TWIST2: variants seen among roughly 807,000 people sequenced by gnomAD.
The protein encoded by TWIST2 is twist family bHLH transcription factor 2, also known as twist-related protein 2.
Under a neutral mutation model 11.6 loss-of-function variants are expected in TWIST2, and 1 was observed. The ratio of observed to expected loss-of-function variants is 0.09; its 90% confidence interval spans 0.03 to 0.41. TWIST2 has a LOEUF of 0.41. Ranked by LOEUF, TWIST2 falls within the 10% of genes least tolerant of loss-of-function variation. TWIST2 has a pLI of 0.98. For missense variants in TWIST2, 168 were observed against 226.4 expected (o/e 0.74, Z 1.66); for synonymous variants, 87 against 96.6 (o/e 0.90, Z 0.58).
chr2:238,866,427 G>A lies in TWIST2; in HGVS notation c.*35+17694G>A, dbSNP rs1692535030. On this transcript the variant is annotated intron_variant, in intron 1 of 1. Transcript: ENST00000612363. The surrounding 1 kb of genome is among the most constrained non-coding windows in gnomAD (Gnocchi z 4.9). ...TAATCCTGGCACTTTGGGAGGCTGAGGCAGGCAGATCACGAGGTCAGGAAT... is the reference window on the plus strand; with the variant it reads ...TAATCCTGGCACTTTGGGAGGCTGAAGCAGGCAGATCACGAGGTCAGGAAT... 6.6e-6 allele frequency among the ~76,000 whole-genome samples: 1 copy of A among 152,206 alleles called. No homozygotes were observed.
chr2:238,901,463 C>A (rs1693268103), intron 1 of TWIST2, among the ~76,000 whole-genome samples: 3 of 152,224 alleles, frequency 2.0e-5, no homozygotes, highest in Non-Finnish European at 4.4e-5. Flanking sequence ...CCAGGCTCCT[C>A]CTCAGTAGGT....
At chr2:238,870,327 C>A (rs376930346) in intron 1 of TWIST2, among the ~76,000 whole-genome samples, 3 of 324 alleles carry the variant, frequency 9.3e-3, no homozygotes, top group South Asian at 0.083. Flanking sequence ...CCCCACACAC[C>A]CCACACACCC....
chr2:238,883,491 G>A (rs752849171), intron 1 of TWIST2, among the ~76,000 whole-genome samples: 1 of 152,250 alleles, frequency 6.6e-6, no homozygotes, highest in Non-Finnish European at 1.5e-5. Flanking sequence ...GAAAGTGAGG[G>A]GAGAAGGGAC....
intron 1 of TWIST2, among the ~76,000 whole-genome samples, chr2:238,881,409 G>A (rs956305338): frequency 2.0e-5 from 3 of 151,624 alleles, no homozygotes; most frequent in African/African-American, 7.3e-5. Context: ...TAGTGTCAGT[G>A]TCAGTGTTAG....
At chr2:238,873,978 A>AG (rs1692759624) in intron 1 of TWIST2, among the ~76,000 whole-genome samples, 1 of 152,098 alleles carries the variant, frequency 6.6e-6, no homozygotes, top group African/African-American at 2.4e-5. Context: ...TGTTCCATCA[A>AG]GGAAAAAACT....
chr2:238,892,413 G>C (rs1349045473), intron 1 of TWIST2, among the ~76,000 whole-genome samples: 8 of 152,222 alleles, frequency 5.3e-5, no homozygotes, highest in Non-Finnish European at 1.0e-4. Flanking sequence ...AGCCTGGGCT[G>C]TTCACTCATC....
chr2:238,902,823 ATGTGATATAGTGTGTG>A (rs1693290076), intron 1 of TWIST2, among the ~76,000 whole-genome samples: 1 of 20,316 alleles, frequency 4.9e-5, no homozygotes, highest in African/African-American at 2.7e-4. Context: ...TGATGTGTGT[ATGTGATATAGTGTGTG>A]TGATGTGGGG....
At chr2:238,903,471 TGTG>T (rs1306810554) in intron 1 of TWIST2, among the ~76,000 whole-genome samples, 3 of 114,416 alleles carry the variant, frequency 2.6e-5, no homozygotes, top group African/African-American at 1.1e-4. Flanking sequence ...GTGTGTGTGA[TGTG>T]TGTGCATGAT....
At chr2:238,890,004 G>T (rs1693104099) in intron 1 of TWIST2, among the ~76,000 whole-genome samples, 1 of 150,528 alleles carries the variant, frequency 6.6e-6, no homozygotes, top group African/African-American at 2.4e-5. Context: ...CCTGGCCTGT[G>T]CCTTCACAGA....
chr2:238,871,854 A>G (rs1399572568), intron 1 of TWIST2, among the ~76,000 whole-genome samples: 3 of 152,150 alleles, frequency 2.0e-5, no homozygotes, highest in Admixed American at 2.0e-4. Flanking sequence ...CCGGATTCAT[A>G]GAGACGGAAG....
chr2:238,880,114 C>T (rs545408406), intron 1 of TWIST2, among the ~76,000 whole-genome samples: 1 of 148,326 alleles, frequency 6.7e-6, no homozygotes, highest in Non-Finnish European at 1.5e-5. Flanking sequence ...TATTTATACT[C>T]GTGCTAGCGT....
At chr2:238,899,938 T>C (rs1693249270) in intron 1 of TWIST2, among the ~76,000 whole-genome samples, 1 of 151,816 alleles carries the variant, frequency 6.6e-6, no homozygotes, top group African/African-American at 2.4e-5. Context: ...GAACCTGAAG[T>C]GCTCTAAAAA....
chr2:238,896,204 C>A (rs1693205695), intron 1 of TWIST2, among the ~76,000 whole-genome samples: 1 of 152,188 alleles, frequency 6.6e-6, no homozygotes, highest in African/African-American at 2.4e-5. Flanking sequence ...CTGCACCCTG[C>A]CTACTGACCC....
chr2:238,894,029 G>T (rs1693179404), intron 1 of TWIST2, among the ~76,000 whole-genome samples: 1 of 152,116 alleles, frequency 6.6e-6, no homozygotes, highest in Non-Finnish European at 1.5e-5. Context: ...GCCTCCTCCA[G>T]TTCTGCCATG....
At chr2:238,902,648 GGT>G (rs1430470513) in intron 1 of TWIST2, among the ~76,000 whole-genome samples, 15 of 144,756 alleles carry the variant, frequency 1.0e-4, no homozygotes, top group East Asian at 4.2e-4. Context: ...GGTGTGTGAT[GGT>G]GTGTGTGTGA....
chr2:238,896,327 G>A (rs1032935603), intron 1 of TWIST2, among the ~76,000 whole-genome samples: 3 of 152,230 alleles, frequency 2.0e-5, no homozygotes, highest in Non-Finnish European at 2.9e-5. Context: ...AGCATGGGGA[G>A]CAAACAGGCC....
intron 1 of TWIST2, among the ~76,000 whole-genome samples, chr2:238,869,494 G>T (rs1228754585): frequency 6.6e-6 from 1 of 152,164 alleles, no homozygotes; most frequent in Non-Finnish European, 1.5e-5. Flanking sequence ...GGACTCCTAT[G>T]ATTCAACAAT....
chr2:238,905,122 A>G (rs1574769533), intron 1 of TWIST2, among the ~76,000 whole-genome samples: 1 of 151,966 alleles, frequency 6.6e-6, no homozygotes. Flanking sequence ...CCCTTGGCCC[A>G]CCCTGCCTCC....
rs751874652 is a variant in TWIST2 at position 238,867,411 on chromosome 2, A to ACACACACACACACACACACACACT, written c.*35+18679_*35+18680insACACACACACACACACACACACTC. Among the ~76,000 whole-genome samples, 1 of 144,892 alleles carries ACACACACACACACACACACACACT rather than the reference A, an allele frequency of 6.9e-6. No individual in the cohort carries two copies. ...CACACACACACACACACACACACAC[A>ACACACACACACACACACACACACT]CTCCTCAGTAAAATACCCAGTTCTC... is the stretch of plus-strand genomic sequence containing the variant. On this transcript the variant is annotated intron_variant, in intron 1 of 1. Transcript: ENST00000612363. This position sits in a 1 kb window ranked among gnomAD's most constrained non-coding sequence, Gnocchi z 4.8.
Sources: allele counts gnomAD v4.1 joint callset (sites outside exome capture counted in the v4.1 genomes callset), GRCh38; gene constraint gnomAD v4.1.1; non-coding constraint Gnocchi (gnomAD v3.1); transcripts MANE v1.5; gene names NCBI Gene and HGNC (gene_info 2026-07-23, HGNC 2026-07-21).